ANKRD11: variants seen among roughly 807,000 people sequenced by gnomAD.
ANKRD11 encodes ankyrin repeat domain-containing protein 11.
ANKRD11 carries 17 observed loss-of-function variants against 195.7 expected under a neutral mutation model. The ratio of observed to expected loss-of-function variants is 0.09; its 90% confidence interval spans 0.06 to 0.13. The LOEUF (loss-of-function observed/expected upper bound fraction) is 0.13. Among genes scored for constraint, ANKRD11 ranks in the 10% least tolerant of loss-of-function variants. ANKRD11 has a pLI of 1.00. For missense variants in ANKRD11, 3,735 were observed against 3,566.1 expected, an observed-to-expected ratio of 1.05 and a Z score of -1.21; for synonymous variants, 1,953 against 1,528.1, an observed-to-expected ratio of 1.28 and a Z score of -6.49.
intron 1 of ANKRD11, among the ~76,000 whole-genome samples, chr16:89,452,659 C>A (rs1177772838): frequency 6.6e-6 from 1 of 151,380 alleles, no homozygotes; most frequent in Non-Finnish European, 1.5e-5. Flanking sequence ...AGCCTGTAAT[C>A]TCAGCTCAGG....
chr16:89,328,136 C>T (rs1249713398), intron 2 of ANKRD11, among the ~76,000 whole-genome samples: 1 of 119,476 alleles, frequency 8.4e-6, no homozygotes, highest in Non-Finnish European at 1.9e-5. Flanking sequence ...GGAAACACAA[C>T]TTAAAGCCGC....
chr16:89,484,352 G>A (rs1359618560), intron 1 of ANKRD11, among the ~76,000 whole-genome samples: 8 of 152,158 alleles, frequency 5.3e-5, no homozygotes, highest in Non-Finnish European at 1.0e-4. Context: ...TTTTAGATAA[G>A]TTTAAACAGT....
rs545056894 is a variant in ANKRD11 at position 89,355,045 on chromosome 16, AC to A, written c.-59-37968del. Among the ~76,000 whole-genome samples, 303 of 152,208 alleles carry A rather than the reference AC, an allele frequency of 2.0e-3. 3 individuals carry two copies. The highest frequency in any genetic ancestry group is 6.7e-3 in the African/African-American group (278 of 41,558). ...CCAGATGCAGGAAGGAAACGCCAGA[AC>A]AACATGTTTGCTTTCATCTAAAAAC... On this transcript the variant is annotated intron_variant, in intron 2 of 12. Transcript: ENST00000301030.
chr16:89,270,312 G>C (rs1425874724), intron 12 of ANKRD11: 1 of 244,308 alleles, frequency 4.1e-6, no homozygotes, highest in Non-Finnish European at 8.0e-6. Context: ...GACTGTACAG[G>C]GTGACGCTGA....
At chr16:89,271,157 A>G (rs2151677716) in intron 11 of ANKRD11, 1 of 547,346 alleles carries the variant, frequency 1.8e-6, no homozygotes, top group South Asian at 1.9e-5. Flanking sequence ...GGGTGCCCGC[A>G]GGCCCCACCT....
chr16:89,477,910 A>T (rs1208574129), intron 1 of ANKRD11, among the ~76,000 whole-genome samples: 12 of 152,128 alleles, frequency 7.9e-5, no homozygotes, highest in Admixed American at 7.9e-4. Flanking sequence ...GTGAGCCAAG[A>T]TCACGCCACT....
chr16:89,435,794 C>T (rs2043188356), intron 1 of ANKRD11, among the ~76,000 whole-genome samples: 1 of 97,460 alleles, frequency 1.0e-5, no homozygotes, highest in South Asian at 3.1e-4. Context: ...GCCACCAGCT[C>T]TTCACACACA....
At chr16:89,337,093 G>C (rs1027401991) in intron 2 of ANKRD11, among the ~76,000 whole-genome samples, 1 of 151,734 alleles carries the variant, frequency 6.6e-6, no homozygotes, top group Non-Finnish European at 1.5e-5. Flanking sequence ...GGCTGAGATG[G>C]GAGGATTGCT....
intron 2 of ANKRD11, chr16:89,396,088 A>C (rs2041414824): frequency 6.6e-6 from 1 of 152,244 alleles, no homozygotes; most frequent in South Asian, 2.1e-4. Context: ...AGACAGCTGC[A>C]AGTTCAGCCA....
chr16:89,458,466 C>T (rs890629359), intron 1 of ANKRD11, among the ~76,000 whole-genome samples: 1 of 152,166 alleles, frequency 6.6e-6, no homozygotes, highest in Non-Finnish European at 1.5e-5. Flanking sequence ...CCTCGTGATC[C>T]GCCCATCTCG....
rs1172870967 is a variant in ANKRD11, at chr16:89,291,468, T to G, written c.227-285A>C. On this transcript the variant is annotated intron_variant, in intron 4 of 12. Coordinates refer to ENST00000301030, the MANE Select transcript of ANKRD11 (RefSeq NM_013275.6). This position sits in a 1 kb window ranked among gnomAD's most constrained non-coding sequence, Gnocchi z 5.3. ...AGCATCCACTCACTCCAGGCACCTC[T>G]CCTGGGCCTCCCCAGACCTCGTACC... Among the ~76,000 whole-genome samples the G allele has an allele frequency of 3.3e-5, 5 of 152,074 alleles. No individual in the cohort carries two copies. The highest frequency in any genetic ancestry group is 2.1e-4 in the South Asian group (1 of 4,808).
intron 3 of ANKRD11, among the ~76,000 whole-genome samples, chr16:89,315,047 T>C (rs2036864109): frequency 6.6e-6 from 1 of 152,044 alleles, no homozygotes; most frequent in Non-Finnish European, 1.5e-5. Context: ...CCCACCCACA[T>C]CACCCGTGTG....
At chr16:89,354,243 CAAAAAAA>C (rs5818711) in intron 2 of ANKRD11, among the ~76,000 whole-genome samples, 25 of 126,240 alleles carry the variant, frequency 2.0e-4, no homozygotes, top group Admixed American at 6.3e-4. Flanking sequence ...TGCATTCAGC[CAAAAAAA>C]AAAAAAAAAA....
chr16:89,393,405 C>G (rs746603073), intron 2 of ANKRD11, among the ~76,000 whole-genome samples: 1 of 150,872 alleles, frequency 6.6e-6, no homozygotes, highest in African/African-American at 2.4e-5. Flanking sequence ...CTCACTGCAA[C>G]CTCTGCCTCC....
At chr16:89,288,332 A>C in intron 7 of ANKRD11, 196 bp downstream of exon 7, 1 of 841,926 alleles carries the variant, frequency 1.2e-6, no homozygotes, top group Non-Finnish European at 1.9e-6. Flanking sequence ...AACCTGTGAG[A>C]GGCCGTCCAG....
At position 89,284,232 on chromosome 16, in the gene ANKRD11, T is replaced by C; in HGVS notation, c.2310A>G (p.Lys770=). ...TCTTCTCTAATTTTGAGGGCCGGTC[T>C]TTTGATTTCTTCTTTCTCTCCTCTT... ...LYKEERKKKS[K]DRPSKLEKKN... is the part of the protein sequence containing the mutation. Residue 770 remains lysine, a synonymous_variant, in exon 9 of 13, where the codon AAA becomes AAG. Transcript: ENST00000301030. The C allele has an allele frequency of 6.2e-7, 1 of 1,613,294 alleles. No individual in the cohort carries two copies. Among genetic ancestry groups the C allele is most frequent in the South Asian group, 1.1e-5 (1 of 90,610 alleles).
At position 89,283,917 on chromosome 16, in the gene ANKRD11, C is replaced by T. The variant is rs1310676910; in HGVS notation, c.2625G>A (p.Lys875=). The part of the protein sequence containing the change: ...YRDMKSDSVA[K]LILETVKEDS... Reference sequence around the variant, plus strand: ...CCTCCTTCACCGTCTCCAAGATGAGCTTGGCCACAGAGTCGCTCTTCATGT... The same window carrying T: ...CCTCCTTCACCGTCTCCAAGATGAGTTTGGCCACAGAGTCGCTCTTCATGT... Residue 875 remains lysine, a synonymous_variant, in exon 9 of 13, where the codon AAG becomes AAA. Coordinates refer to ENST00000301030, the MANE Select transcript of ANKRD11 (RefSeq NM_013275.6). This position sits in a 1 kb window ranked among gnomAD's most constrained non-coding sequence, Gnocchi z 4.3. The T allele has an allele frequency of 1.9e-6, 3 of 1,614,192 alleles. No homozygotes were observed. In the South Asian group the frequency reaches 3.3e-5, roughly 18 times the overall value.
chr16:89,384,879 C>CTTTCTTTTTTTTTT (rs2040832957), intron 2 of ANKRD11, among the ~76,000 whole-genome samples: 1 of 49,910 alleles, frequency 2.0e-5, no homozygotes, highest in Admixed American at 3.6e-4. Context: ...AAATAGTTTT[C>CTTTCTTTTTTTTTT]TTTTTTTTTT....
chr16:89,305,442 T>G (rs1285277498), intron 3 of ANKRD11, 98 bp from the exon 4 acceptor site: 1 of 1,534,844 alleles, frequency 6.5e-7, no homozygotes, highest in African/African-American at 1.4e-5. Context: ...CATCTCTTAT[T>G]TGGGCAATGA....
Sources: gnomAD v4.1 joint callset for allele counts (sites outside exome capture counted in the v4.1 genomes callset) on GRCh38, gnomAD v4.1.1 for gene constraint, Gnocchi (gnomAD v3.1) non-coding constraint, MANE v1.5 for transcripts, NCBI Gene and HGNC (gene_info 2026-07-23, HGNC 2026-07-21) for gene names.